The following MED27 variants were observed in gnomAD, a reference collection of about 807,000 sequenced individuals.
MED27 encodes mediator of RNA polymerase II transcription subunit 27.
A neutral mutation model predicts 38.2 loss-of-function variants in MED27; 30 were observed. The ratio of observed to expected loss-of-function variants is 0.79; its 90% CI spans 0.59 to 1.07. The LOEUF (loss-of-function observed/expected upper bound fraction) is 1.07. Ranked by LOEUF, MED27 falls within the 50% of genes least tolerant of loss-of-function variation. The probability of loss-of-function intolerance (pLI) is 0.00; values close to 1 mark genes in which losing one functional copy is unlikely to be tolerated. For synonymous variants in MED27, 122 were observed against 153.5 expected (o/e 0.79, Z 1.52); for missense variants, 289 against 397.5 (o/e 0.73, Z 2.32).
In MED27 at chr9:132,003,331, T is replaced by G. The variant is rs1832284880; in HGVS notation, c.479+11006A>C. On this transcript the variant is annotated intron_variant, in intron 3 of 7. Transcript: ENST00000292035. The surrounding 1 kb of genome is among the most constrained non-coding windows in gnomAD (Gnocchi z 4.2). ...AGTGCTTAATGGCCAGGTTCTTTATTACAGTTTTCTATTTTATGCAATTTC... is the reference window on the plus strand; with the variant it reads ...AGTGCTTAATGGCCAGGTTCTTTATGACAGTTTTCTATTTTATGCAATTTC... Among the ~76,000 whole-genome samples, 1 of 152,244 alleles carries G rather than the reference T, an allele frequency of 6.6e-6. No homozygotes were observed. Among genetic ancestry groups the G allele is most frequent in the African/African-American group, 2.4e-5 (1 of 41,452 alleles).
At chr9:132,055,670 C>T (rs1451265180) in intron 2 of MED27, among the ~76,000 whole-genome samples, 1 of 152,186 alleles carries the variant, frequency 6.6e-6, no homozygotes, top group Admixed American at 6.5e-5. Context: ...ACAGGTAAAG[C>T]ATCTGGACTA....
chr9:132,065,021 G>A lies in MED27; in HGVS notation c.348+12421C>T, dbSNP rs554100097. Among the ~76,000 whole-genome samples, 3 of 152,218 alleles carry A rather than the reference G, an allele frequency of 2.0e-5. No homozygotes were observed. In the South Asian group the frequency reaches 6.2e-4, roughly 32 times the overall value. ...GTTCACTGTGTGTAGAACAGCAACT[G>A]GAATATAGAGGTGCTCAATAAATGC... On this transcript the variant is annotated intron_variant, in intron 2 of 7. Transcript: ENST00000292035.
At chr9:132,052,192 C>T (rs1235811795) in intron 2 of MED27, among the ~76,000 whole-genome samples, 1 of 152,180 alleles carries the variant, frequency 6.6e-6, no homozygotes, top group African/African-American at 2.4e-5. Flanking sequence ...CTCAAGACAA[C>T]TTCATTCTTG....
intron 3 of MED27, among the ~76,000 whole-genome samples, chr9:132,012,106 CAA>C (rs1832498020): frequency 1.3e-5 from 2 of 152,176 alleles, no homozygotes; most frequent in African/African-American, 2.4e-5. Context: ...TGACTTTTGT[CAA>C]GAGAGAGTTA....
At chr9:132,046,896 T>G (rs1037316669) in intron 2 of MED27, among the ~76,000 whole-genome samples, 3 of 152,108 alleles carry the variant, frequency 2.0e-5, no homozygotes, top group Admixed American at 6.5e-5. Context: ...AAAGCCCCAG[T>G]TTTTTGGCTA....
At chr9:132,074,279 A>G (rs1379089188) in intron 2 of MED27, among the ~76,000 whole-genome samples, 1 of 152,236 alleles carries the variant, frequency 6.6e-6, no homozygotes, top group Non-Finnish European at 1.5e-5. Context: ...TCTAACAATT[A>G]TGCCAAGTAC....
chr9:131,975,915 T>C (rs893531281), intron 3 of MED27, among the ~76,000 whole-genome samples: 1 of 152,180 alleles, frequency 6.6e-6, no homozygotes, highest in Non-Finnish European at 1.5e-5. Flanking sequence ...TGAGGGACTG[T>C]CAGAAATCTA....
intron 6 of MED27, among the ~76,000 whole-genome samples, chr9:131,864,866 C>T (rs976891962): frequency 4.6e-5 from 7 of 152,356 alleles, no homozygotes; most frequent in Admixed American, 4.6e-4. Flanking sequence ...CGTGAGAGGA[C>T]AGAGTGAGGC....
rs1224975351 is a variant in MED27, at chr9:131,893,939, A to G, written c.627T>C (p.Ile209=). 2.5e-6 allele frequency: 4 copies of G among 1,614,210 alleles called. No homozygotes were observed. Among genetic ancestry groups the G allele is most frequent in the Non-Finnish European group, 3.4e-6 (4 of 1,180,040 alleles). ...TATATCCCTTTACTATTGTTCGATC[A>G]ATGAACAGGCTCCGCATGACGACGA... ...KVIVVMRSLF[I]DRTIVKGYNE... The change falls in exon 5 of 8, where the codon ATT becomes ATC. Residue 209 remains isoleucine (I), a synonymous_variant. Coordinates refer to ENST00000292035, the MANE Select transcript of MED27 (RefSeq NM_004269.4).
At chr9:131,943,278 C>T (rs912211302) in intron 3 of MED27, among the ~76,000 whole-genome samples, 2 of 152,146 alleles carry the variant, frequency 1.3e-5, no homozygotes, top group African/African-American at 2.4e-5. Flanking sequence ...ACCCAACCTT[C>T]GAAACACAAA....
chr9:131,907,760 T>G (rs527881900), intron 4 of MED27, among the ~76,000 whole-genome samples: 15 of 147,790 alleles, frequency 1.0e-4, no homozygotes, highest in South Asian at 4.4e-4. Context: ...CGCCATCCCA[T>G]CTAGGAATTG....
At chr9:132,033,461 A>G (rs572041714) in intron 2 of MED27, among the ~76,000 whole-genome samples, 1 of 152,208 alleles carries the variant, frequency 6.6e-6, no homozygotes, top group South Asian at 2.1e-4. Flanking sequence ...TAAATTTGAA[A>G]AACTTTGGTA....
At chr9:131,924,241 G>A (rs1213065728) in intron 4 of MED27, among the ~76,000 whole-genome samples, 1 of 152,114 alleles carries the variant, frequency 6.6e-6, no homozygotes. Flanking sequence ...AACAGAACCT[G>A]TTGTTATGTT....
At chr9:132,063,677 G>A (rs372169972) in intron 2 of MED27, among the ~76,000 whole-genome samples, 60 of 152,300 alleles carry the variant, frequency 3.9e-4, no homozygotes, top group African/African-American at 1.3e-3. Context: ...AAAGGCATTT[G>A]GAGCTGGCAT....
chr9:131,918,450 C>T (rs1295940077), intron 4 of MED27, among the ~76,000 whole-genome samples: 1 of 152,182 alleles, frequency 6.6e-6, no homozygotes, highest in Non-Finnish European at 1.5e-5. Flanking sequence ...ACAATGTATA[C>T]CTAGTAAGTA....
At chr9:131,901,319 A>T (rs1002461521) in intron 4 of MED27, among the ~76,000 whole-genome samples, 26 of 152,266 alleles carry the variant, frequency 1.7e-4, no homozygotes, top group Admixed American at 1.3e-4. Flanking sequence ...AAGGACACTG[A>T]TTCACAGAAT....
chr9:131,886,001 T>G (rs1839134055), intron 5 of MED27, among the ~76,000 whole-genome samples: 1 of 152,164 alleles, frequency 6.6e-6, no homozygotes, highest in Non-Finnish European at 1.5e-5. Flanking sequence ...GGTGTGTGAT[T>G]GATTTTGGAA....
Position 132,038,481 on chromosome 9 carries a change from C to T in MED27, c.349-24014G>A, listed in dbSNP as rs574563373. Among the ~76,000 whole-genome samples, 7 of 152,112 alleles carry T rather than the reference C, an allele frequency of 4.6e-5. No homozygotes were observed. In the South Asian group the frequency reaches 8.3e-4, roughly 18 times the overall value. ...TGCTGGGATTACAGGCGTGAGCCAC[C>T]GCGCCCGGCCGCCAGGCATCCTTCT... On this transcript the variant is annotated intron_variant, in intron 2 of 7. Coordinates refer to ENST00000292035, the MANE Select transcript of MED27 (RefSeq NM_004269.4).
chr9:132,029,043 G>A (rs1014574222), intron 2 of MED27, among the ~76,000 whole-genome samples: 4 of 152,198 alleles, frequency 2.6e-5, no homozygotes, highest in Admixed American at 1.3e-4. Flanking sequence ...ACTAAGAGAA[G>A]GACACAGCTC....
Sources: gnomAD v4.1 joint callset for allele counts (sites outside exome capture counted in the v4.1 genomes callset) on GRCh38, gnomAD v4.1.1 for gene constraint, Gnocchi (gnomAD v3.1) non-coding constraint, MANE v1.5 for transcripts, NCBI Gene and HGNC (gene_info 2026-07-23, HGNC 2026-07-21) for gene names.